The following ZXDC variants were observed in gnomAD, a reference collection of about 807,000 sequenced individuals.
ZXDC encodes ZXD family zinc finger C.
In ZXDC, 58 loss-of-function variants were observed where a neutral mutation model predicts 63.6. The ratio of observed to expected loss-of-function variants is 0.91; its 90% CI spans 0.74 to 1.13. The LOEUF (loss-of-function observed/expected upper bound fraction) is 1.13. ZXDC is among the 50% of genes most tolerant of loss of function. The pLI, the probability that ZXDC is intolerant of heterozygous loss-of-function variation, is 0.00. For synonymous variants in ZXDC, 561 were observed against 496.1 expected (o/e 1.13, Z -1.74); for missense variants, 1,133 against 1,148.9 (o/e 0.99, Z 0.20).
chr3:126,441,196 C>G, intron 8 of ZXDC: 1 of 985,782 alleles, frequency 1.0e-6, no homozygotes, highest in Non-Finnish European at 1.2e-6. Flanking sequence ...CTGGCCACAG[C>G]TGCAGGTATC....
rs1252417344 is a variant in ZXDC at position 126,475,840 on chromosome 3, G to A, written c.26C>T (p.Ala9Val). The part of the protein sequence containing the change: MDLPALLP[A>V]PTARGGQHGG... The stretch of plus-strand genomic sequence containing the variant: ...ATGTTGCCCTCCGCGCGCAGTCGGG[G>A]CGGGGAGCAGCGCCGGGAGGTCCAT... The change falls in exon 1 of 10, where the codon GCC becomes GTC. Residue 9 changes from alanine (A) to valine (V), a missense_variant. Coordinates refer to ENST00000389709, the MANE Select transcript of ZXDC (RefSeq NM_025112.5). 6.5e-6 allele frequency: 7 copies of A among 1,079,954 alleles called. No homozygotes were observed. The highest frequency in any genetic ancestry group is 5.1e-5 in the African/African-American group (3 of 59,064). The allele number at this position is 1,079,954 out of a possible 1,614,324, so 66.9% of individuals were successfully genotyped here.
chr3:126,452,202 CT>C (rs1460735728), intron 7 of ZXDC: 1 of 985,306 alleles, frequency 1.0e-6, no homozygotes, highest in Non-Finnish European at 1.2e-6. Context: ...CTGCCACAGC[CT>C]TGCGTGAAGT....
chr3:126,471,427 T>C (rs1196831376), intron 3 of ZXDC, among the ~76,000 whole-genome samples: 1 of 152,232 alleles, frequency 6.6e-6, no homozygotes, highest in Non-Finnish European at 1.5e-5. Context: ...AAGGACTCTC[T>C]TAAGCCAACT....
chr3:126,451,252 T>C (rs1934089423), intron 7 of ZXDC: 1 of 985,314 alleles, frequency 1.0e-6, no homozygotes, highest in South Asian at 4.7e-5. Flanking sequence ...TGCATATGTG[T>C]ACTACTGCTT....
chr3:126,447,160 G>A (rs547352531), intron 7 of ZXDC, among the ~76,000 whole-genome samples: 11 of 152,258 alleles, frequency 7.2e-5, no homozygotes, highest in African/African-American at 2.4e-4. Flanking sequence ...CTTCCCAGAT[G>A]AACTTAAAGT....
rs1219754254 is a variant in ZXDC at position 126,441,828 on chromosome 3, T to C, written c.2331A>G (p.Pro777=). The C allele has an allele frequency of 3.1e-6, 5 of 1,613,824 alleles. No individual in the cohort carries two copies. The highest frequency in any genetic ancestry group is 1.7e-4 in the Middle Eastern group (1 of 6,056). The change falls in exon 8 of 10, where the codon CCA becomes CCG. Residue 777 remains proline, a synonymous_variant. Coordinates refer to ENST00000389709, the MANE Select transcript of ZXDC (RefSeq NM_025112.5). Reference sequence around the variant, plus strand: ...GCACCCCAGCTGCTGGAGCTGGTCCTGGCCGTCCTCCGCTGGGCACCACGA... The same window carrying C: ...GCACCCCAGCTGCTGGAGCTGGTCCCGGCCGTCCTCCGCTGGGCACCACGA... ...GSLVVPSGGR[P]GPAPAAGVQC... is the part of the protein sequence containing the mutation.
chr3:126,454,367 T>C, intron 7 of ZXDC: 1 of 985,410 alleles, frequency 1.0e-6, no homozygotes, highest in Non-Finnish European at 1.2e-6. Context: ...TATAGTTCTG[T>C]TGTAGGCTAC....
Position 126,447,906 on chromosome 3 carries a change from G to A in ZXDC, c.2213-5960C>T, listed in dbSNP as rs370059277. Among the ~76,000 whole-genome samples the A allele has an allele frequency of 2.2e-4, 33 of 152,326 alleles. 1 individual carries two copies. The highest frequency in any genetic ancestry group is 1.7e-3 in the East Asian group (9 of 5,174). ...TGCCTGCTTCACCTGCTGGAGGTGAGACACAGTGTTCCTGCATACCACGTG... is the reference window on the plus strand; with the variant it reads ...TGCCTGCTTCACCTGCTGGAGGTGAAACACAGTGTTCCTGCATACCACGTG... On this transcript the variant is annotated intron_variant, in intron 7 of 9. Transcript: ENST00000389709.
At chr3:126,459,137 G>A (rs1310227719) in intron 7 of ZXDC, 3 of 985,318 alleles carry the variant, frequency 3.0e-6, no homozygotes, top group African/African-American at 3.5e-5. Flanking sequence ...GATGCTTGAG[G>A]CCATAGGTTA....
intron 7 of ZXDC, chr3:126,457,373 G>C (rs1934349562): frequency 1.0e-6 from 1 of 985,424 alleles, no homozygotes; most frequent in Non-Finnish European, 1.2e-6. Flanking sequence ...ATGGGCGCGG[G>C]AAGACACCAG....
rs1051837972 is a variant in ZXDC, at chr3:126,475,402, G to A, written c.464C>T (p.Thr155Ile). 3.3e-6 allele frequency: 4 copies of A among 1,200,644 alleles called. No homozygotes were observed. The highest frequency in any genetic ancestry group is 3.2e-5 in the African/African-American group (2 of 62,138). 74.4% of individuals were successfully genotyped at this position (1,200,644 alleles called of 1,614,324 possible). A position where few individuals can be genotyped will look rare whatever the true frequency, so the allele number is the denominator to read the frequency against. Residue 155 changes from threonine (T) to isoleucine (I), a missense_variant, in exon 1 of 10, where the codon ACC becomes ATC. By Grantham distance (89) the Thr-to-Ile change is moderately conservative. Transcript: ENST00000389709. ...LALSAPPGPA[T>I]AGAAAPRRAP... ...GCGGCGGGGAGCGGCGGCGCCCGCGGTTGCGGGGCCGGGCGGCGCAGACAG... is the reference window on the plus strand; with the variant it reads ...GCGGCGGGGAGCGGCGGCGCCCGCGATTGCGGGGCCGGGCGGCGCAGACAG...
At chr3:126,472,428 AGCACTCTCT>A in intron 1 of ZXDC, 123 bp from the exon 2 acceptor site, 1 of 1,225,568 alleles carries the variant, frequency 8.2e-7, no homozygotes, top group Non-Finnish European at 1.1e-6. Context: ...ATGACTCAGA[AGCACTCTCT>A]AAAAAGGGAA....
At chr3:126,462,423 G>A (rs1274857658) in intron 5 of ZXDC, among the ~76,000 whole-genome samples, 6 of 152,076 alleles carry the variant, frequency 3.9e-5, no homozygotes, top group Admixed American at 3.9e-4. Context: ...GGACAGGAAG[G>A]GACACTGGCT....
chr3:126,467,801 CACGG>C (rs1934831832), intron 4 of ZXDC, among the ~76,000 whole-genome samples: 1 of 152,090 alleles, frequency 6.6e-6, no homozygotes, highest in South Asian at 2.1e-4. Flanking sequence ...GGGTCCTGAG[CACGG>C]ATTTCTAGAG....
chr3:126,456,758 G>A lies in ZXDC; in HGVS notation c.2212+2895C>T, dbSNP rs549273563. ...TGCAGTTGCTATTAGAAGTGAAGGT[G>A]GTCTTAGGGACCCCCAAGCCCCACA... On this transcript the variant is annotated intron_variant, in intron 7 of 9. Transcript: ENST00000389709. Among the ~76,000 whole-genome samples the A allele has an allele frequency of 2.2e-4, 34 of 152,094 alleles. No individual in the cohort carries two copies. In the East Asian group the frequency reaches 6.4e-3, roughly 29 times the overall value.
chr3:126,458,916 C>T (rs1450829254), intron 7 of ZXDC: 1 of 984,362 alleles, frequency 1.0e-6, no homozygotes. Flanking sequence ...AGAAAACCGG[C>T]AATTGTTATT....
At chr3:126,451,194 A>C in intron 7 of ZXDC, 3 of 985,304 alleles carry the variant, frequency 3.0e-6, no homozygotes, top group Non-Finnish European at 3.6e-6. Context: ...AAATGATCAT[A>C]ATAAAACATT....
chr3:126,442,007 TACCAAG>T, intron 7 of ZXDC, 61 bp from the exon 8 acceptor site: 2 of 1,479,156 alleles, frequency 1.4e-6, no homozygotes, highest in Admixed American at 4.5e-5. Context: ...GGTCTGCCCT[TACCAAG>T]GTCTCACTAT....
intron 4 of ZXDC, among the ~76,000 whole-genome samples, chr3:126,469,038 A>G (rs1934881469): frequency 6.6e-6 from 1 of 152,158 alleles, no homozygotes; most frequent in Admixed American, 6.5e-5. Flanking sequence ...TTAGTAACCA[A>G]TCCAGCCTTC....
Sources: gnomAD v4.1 joint callset for allele counts (sites outside exome capture counted in the v4.1 genomes callset) on GRCh38, gnomAD v4.1.1 for gene constraint, MANE v1.5 for transcripts, NCBI Gene and HGNC (gene_info 2026-07-23, HGNC 2026-07-21) for gene names.